The following ATRIP variants were observed in gnomAD, a reference collection of about 807,000 sequenced individuals.
ATRIP encodes ATR interacting protein, also known as ATR-interacting protein.
In ATRIP, 44 loss-of-function variants were observed where a neutral mutation model predicts 78.1. The ratio of observed to expected loss-of-function variants is 0.56; its 90% confidence interval spans 0.44 to 0.72. The LOEUF is 0.72. ATRIP is among the 30% of genes least tolerant of loss of function. The pLI, the probability that ATRIP is intolerant of heterozygous loss-of-function variation, is 0.00. For missense variants in ATRIP, 927 were observed against 980.2 expected, an observed-to-expected ratio of 0.95 and a Z score of 0.72; for synonymous variants, 388 against 408.9, an observed-to-expected ratio of 0.95 and a Z score of 0.62.
At position 48,463,779 on chromosome 3, in the gene ATRIP, C is replaced by T. The variant is rs1330225542; in HGVS notation, c.1780C>T (p.Leu594Phe). Residue 594 changes from leucine to phenylalanine, a missense_variant, in exon 9 of 13, where the codon CTC (leucine) becomes TTC (phenylalanine). Transcript: ENST00000320211. ...QCVFQVLPKCLSPETPLPSVL... is the reference protein window; with the variant it reads ...QCVFQVLPKCFSPETPLPSVL... ...TGTGTTCCAAGTGCTGCCAAAGTGC[C>T]TCAGCCCAGAGACACCCCTGCCTAG... 1 of 1,614,168 alleles carries T rather than the reference C, an allele frequency of 6.2e-7. No individual in the cohort carries two copies. The highest frequency in any genetic ancestry group is 2.2e-5 in the East Asian group (1 of 44,888).
Position 48,464,876 on chromosome 3 carries a change from G to T in ATRIP, c.2101G>T (p.Val701Leu). 6.2e-7 allele frequency: 1 copy of T among 1,613,932 alleles called. No individual in the cohort carries two copies. The highest frequency in any genetic ancestry group is 8.5e-7 in the Non-Finnish European group (1 of 1,179,934). Reference sequence around the variant, plus strand: ...GATGTTGCACAGACAGTGGCTGACAGTGCGGAGGGCAGGGGGACCCCCAAG... The same window carrying T: ...GATGTTGCACAGACAGTGGCTGACATTGCGGAGGGCAGGGGGACCCCCAAG... ...TVMLHRQWLT[V>L]RRAGGPPRTD... is the part of the protein sequence containing the mutation. The change falls in exon 12 of 13, where the codon GTG (valine) becomes TTG (leucine). Residue 701 changes from valine (V) to leucine (L), a missense_variant. By Grantham distance (32) the Val-to-Leu change is conservative. Transcript: ENST00000320211.
chr3:48,464,157 G>C, intron 10 of ATRIP, 25 bp downstream of exon 10: 1 of 1,567,646 alleles, frequency 6.4e-7, no homozygotes, highest in East Asian at 2.2e-5. Context: ...GCCCCTTCTG[G>C]ACACTGTCCC....
intron 7 of ATRIP, 65 bp from the exon 8 acceptor site, chr3:48,460,045 G>C (rs2107223939): frequency 6.4e-7 from 1 of 1,557,530 alleles, no homozygotes; most frequent in South Asian, 1.2e-5. Context: ...CAGGCAGGCT[G>C]TTTGGGGCTC....
At chr3:48,453,960 A>G (rs948685131) in intron 3 of ATRIP, among the ~76,000 whole-genome samples, 6 of 151,894 alleles carry the variant, frequency 4.0e-5, no homozygotes, top group African/African-American at 1.5e-4. Flanking sequence ...AGATCTTGCT[A>G]TTTTGCCCAG....
intron 8 of ATRIP, among the ~76,000 whole-genome samples, chr3:48,461,921 G>C (rs2040126397): frequency 6.6e-6 from 1 of 152,138 alleles, no homozygotes; most frequent in African/African-American, 2.4e-5. Flanking sequence ...GGCCAGGCTT[G>C]TCTCAAATGC....
intron 8 of ATRIP, among the ~76,000 whole-genome samples, chr3:48,462,801 G>C (rs2040155397): frequency 6.6e-6 from 1 of 152,214 alleles, no homozygotes; most frequent in Non-Finnish European, 1.5e-5. Context: ...GCAAGTGGCA[G>C]ATATTGGACA....
intron 1 of ATRIP, among the ~76,000 whole-genome samples, chr3:48,447,887 C>G (rs942108341): frequency 6.6e-6 from 1 of 152,198 alleles, no homozygotes; most frequent in Non-Finnish European, 1.5e-5. Flanking sequence ...TGGCACAAAG[C>G]GACTCTTCCC....
At position 48,446,838 on chromosome 3, in the gene ATRIP, C is replaced by CGG. The variant is rs749993354; in HGVS notation, c.-7_-6dup. 7.9e-6 allele frequency: 11 copies of CGG among 1,398,238 alleles called. No homozygotes were observed. In the African/African-American group the frequency reaches 1.7e-4, roughly 21 times the overall value. The allele number at this position is 1,398,238 out of a possible 1,614,324, so 86.6% of individuals were successfully genotyped here. A position where few individuals can be genotyped will look rare whatever the true frequency, so the allele number is the denominator to read the frequency against. On this transcript the variant is annotated 5_prime_UTR_variant, in exon 1 of 13. Coordinates refer to ENST00000320211, the MANE Select transcript of ATRIP (RefSeq NM_130384.3). ...GGCGCTGTCGGATACTTGGGGTGAG[C>CGG]GGAAAGCATGGCGGGGACCTCCGCG...
rs942546187 is a variant in ATRIP at position 48,463,645 on chromosome 3, C to T, written c.1746-100C>T. The T allele has an allele frequency of 4.0e-5, 60 of 1,504,234 alleles. 2 individuals are homozygous for T. In the South Asian group the frequency reaches 5.9e-4, roughly 15 times the overall value. The allele number at this position is 1,504,234 out of a possible 1,614,324, so 93.2% of individuals were successfully genotyped here. A position where few individuals can be genotyped will look rare whatever the true frequency, so the allele number is the denominator to read the frequency against. ...GGCTGAACCAACTCACCTGTTCATA[C>T]TGACTTGCTCAATTTTCTGTTACCT... is the stretch of plus-strand genomic sequence containing the variant. On this transcript the variant is annotated intron_variant, in intron 8 of 12. Transcript: ENST00000320211.
chr3:48,464,733 A>T, intron 11 of ATRIP, 71 bp downstream of exon 11: 1 of 1,609,296 alleles, frequency 6.2e-7, no homozygotes, highest in Non-Finnish European at 8.5e-7. Flanking sequence ...TGTAGGCCCC[A>T]CTGCAAACCC....
rs1003855092 is a variant in ATRIP at position 48,466,327 on chromosome 3, A to G, written c.*773A>G. On this transcript the variant is annotated 3_prime_UTR_variant, in exon 13 of 13. Transcript: ENST00000320211. ...CTGCTACGGTGAGTGTGGCCCCCAC[A>G]ATGGGATGGCGCAGGGCAGGAGGGC... is the stretch of plus-strand genomic sequence containing the variant. 2 of 898,154 alleles carry G rather than the reference A, an allele frequency of 2.2e-6. No homozygotes were observed. The highest frequency in any genetic ancestry group is 3.6e-6 in the Non-Finnish European group (2 of 560,736). 55.6% of individuals were successfully genotyped at this position (898,154 alleles called of 1,614,324 possible). A position where few individuals can be genotyped will look rare whatever the true frequency, so the allele number is the denominator to read the frequency against.
At position 48,465,071 on chromosome 3, in the gene ATRIP, A is replaced by G. The variant is rs772409237; in HGVS notation, c.2296A>G (p.Thr766Ala). 6.2e-6 allele frequency: 10 copies of G among 1,609,382 alleles called. No individual in the cohort carries two copies. The highest frequency in any genetic ancestry group is 8.5e-6 in the Non-Finnish European group (10 of 1,176,478). ...SMLIRGLPDV[T>A]DCEEAALDDL... is the part of the protein sequence containing the mutation. Reference sequence around the variant, plus strand: ...GCTCATCCGAGGGCTTCCTGATGTGACGGACTGTGAAGGTAAGCCTGCCAG... The same window carrying G: ...GCTCATCCGAGGGCTTCCTGATGTGGCGGACTGTGAAGGTAAGCCTGCCAG... Residue 766 changes from threonine (T) to alanine (A), a missense_variant, in exon 12 of 13, where the codon ACG becomes GCG. Physicochemically the swap from Thr to Ala is moderately conservative, Grantham distance 58. Coordinates refer to ENST00000320211, the MANE Select transcript of ATRIP (RefSeq NM_130384.3).
intron 3 of ATRIP, among the ~76,000 whole-genome samples, chr3:48,452,339 G>C (rs1432858923): frequency 6.6e-6 from 1 of 152,144 alleles, no homozygotes; most frequent in African/African-American, 2.4e-5. Context: ...TATGGTAGAG[G>C]GTGTGTTCTC....
Position 48,465,714 on chromosome 3 carries a change from C to T in ATRIP, c.*160C>T, listed in dbSNP as rs1283814040. ...GGAGTGGGAGGGGTGGAGCAGGACCCGGACCCTGAGTGGCTGGGATCCTTC... is the reference window on the plus strand; with the variant it reads ...GGAGTGGGAGGGGTGGAGCAGGACCTGGACCCTGAGTGGCTGGGATCCTTC... On this transcript the variant is annotated 3_prime_UTR_variant, in exon 13 of 13. Transcript: ENST00000320211. The T allele has an allele frequency of 1.3e-5, 9 of 680,982 alleles. No homozygotes were observed. Among genetic ancestry groups the T allele is most frequent in the Admixed American group, 2.7e-5 (1 of 37,162 alleles). The allele number at this position is 680,982 out of a possible 1,614,324, so 42.2% of individuals were successfully genotyped here. A position where few individuals can be genotyped will look rare whatever the true frequency, so the allele number is the denominator to read the frequency against.
intron 8 of ATRIP, 66 bp downstream of exon 8, chr3:48,460,865 T>C: frequency 7.0e-7 from 1 of 1,431,680 alleles, no homozygotes; most frequent in African/African-American, 1.4e-5. Flanking sequence ...GTCTAACCCA[T>C]GGCACTTGTA....
rs759414382 is a variant in ATRIP, at chr3:48,465,559, C to T, written c.*5C>T. 2 of 1,611,262 alleles carry T rather than the reference C, an allele frequency of 1.2e-6. No homozygotes were observed. The highest frequency in any genetic ancestry group is 1.7e-6 in the Non-Finnish European group (2 of 1,177,654). ...CCCGAGGTGGAGTGTGGCTGAGGCC[C>T]TGAGTGTCCAGCCACATGGTGGCAC... On this transcript the variant is annotated 3_prime_UTR_variant, in exon 13 of 13. Transcript: ENST00000320211.
rs1050759195 is a variant in ATRIP at position 48,463,989 on chromosome 3, C to T, written c.1883-52C>T. 1.7e-5 allele frequency: 27 copies of T among 1,602,910 alleles called. No homozygotes were observed. The Admixed American group carries it at 2.2e-4, about 13-fold the overall frequency. ...GAGGGCTTCTGCAGTATGTAGCCCA[C>T]GCTCTTTATGAGAAAGGGCACCCTG... On this transcript the variant is annotated intron_variant, in intron 9 of 12. Transcript: ENST00000320211.
At position 48,454,316 on chromosome 3, in the gene ATRIP, C is replaced by A; in HGVS notation, c.569C>A (p.Ser190Tyr). The change falls in exon 4 of 13, where the codon TCT becomes TAT. Residue 190 changes from serine (S) to tyrosine (Y), a missense_variant. Coordinates refer to ENST00000320211, the MANE Select transcript of ATRIP (RefSeq NM_130384.3). ...GCCTTCCAGCTCCAATCATTGCAGT[C>A]TGAACTCCAGTTTAAAGATGCAGAG... ...EFSKKLQSLQ[S>Y]ELQFKDAEMN... 1 of 1,611,582 alleles carries A rather than the reference C, an allele frequency of 6.2e-7. No individual in the cohort carries two copies. Among genetic ancestry groups the A allele is most frequent in the South Asian group, 1.1e-5 (1 of 90,978 alleles).
rs568897795 is a variant in ATRIP at position 48,455,583 on chromosome 3, G to A, written c.671+1165G>A. Among the ~76,000 whole-genome samples, 4 of 151,676 alleles carry A rather than the reference G, an allele frequency of 2.6e-5. No individual in the cohort carries two copies. In the South Asian group the frequency reaches 6.3e-4, roughly 24 times the overall value. On this transcript the variant is annotated intron_variant, in intron 4 of 12. Transcript: ENST00000320211. Reference sequence around the variant, plus strand: ...CAGCTCACTGCAACCTCCACCTCCCGGGTTCAAGTGATTCTCCTGTCTCAG... The same window carrying A: ...CAGCTCACTGCAACCTCCACCTCCCAGGTTCAAGTGATTCTCCTGTCTCAG...
Sources: allele counts gnomAD v4.1 joint callset (sites outside exome capture counted in the v4.1 genomes callset), GRCh38; gene constraint gnomAD v4.1.1; transcripts MANE v1.5; gene names NCBI Gene and HGNC (gene_info 2026-07-23, HGNC 2026-07-21).